ARL6IP6: variants seen among roughly 807,000 people sequenced by gnomAD.
ARL6IP6 encodes the protein ADP-ribosylation factor-like protein 6-interacting protein 6.
In ARL6IP6, 22 loss-of-function variants were observed where a neutral mutation model predicts 21.5. The observed-to-expected ratio is 1.02, with a 90% CI of 0.73 to 1.46. The LOEUF (loss-of-function observed/expected upper bound fraction) is 1.46, where lower values mean the gene tolerates loss of function less well. Among genes scored for constraint, ARL6IP6 ranks in the 40% most tolerant of loss-of-function variants. The pLI is 0.00. For missense variants in ARL6IP6, 388 were observed against 299.8 expected, an observed-to-expected ratio of 1.29 and a Z score of -2.17; for synonymous variants, 164 against 125.3, an observed-to-expected ratio of 1.31 and a Z score of -2.06.
At chr2:152,723,295 C>T (rs1482720853) in intron 2 of ARL6IP6, among the ~76,000 whole-genome samples, 2 of 152,150 alleles carry the variant, frequency 1.3e-5, no homozygotes, top group African/African-American at 4.8e-5. Flanking sequence ...GGAAAAGTAC[C>T]ATGCAGCCTT....
At chr2:152,730,923 C>T (rs1210432529) in intron 2 of ARL6IP6, among the ~76,000 whole-genome samples, 5 of 152,152 alleles carry the variant, frequency 3.3e-5, no homozygotes, top group African/African-American at 1.2e-4. Context: ...ACTCCCTTTC[C>T]CCATTTACAC....
intron 3 of ARL6IP6, among the ~76,000 whole-genome samples, chr2:152,738,757 C>T (rs1259029256): frequency 6.6e-5 from 10 of 152,150 alleles, no homozygotes; most frequent in Non-Finnish European, 1.5e-4. Flanking sequence ...CTGGGAAGAC[C>T]TCTGACATGC....
At chr2:152,742,726 T>A (rs1267354723) in intron 3 of ARL6IP6, among the ~76,000 whole-genome samples, 1 of 152,126 alleles carries the variant, frequency 6.6e-6, no homozygotes, top group Non-Finnish European at 1.5e-5. Context: ...CCTTTTAAGC[T>A]AATATTCTAG....
At chr2:152,757,951 C>T (rs1244611416) in intron 3 of ARL6IP6, among the ~76,000 whole-genome samples, 2 of 152,132 alleles carry the variant, frequency 1.3e-5, no homozygotes, top group Non-Finnish European at 2.9e-5. Context: ...AAAGGTTTTT[C>T]TATTTTTGTG....
At chr2:152,745,859 A>G (rs1388317067) in intron 3 of ARL6IP6, among the ~76,000 whole-genome samples, 1 of 152,152 alleles carries the variant, frequency 6.6e-6, no homozygotes, top group African/African-American at 2.4e-5. Flanking sequence ...GTTAAAGTAC[A>G]TGCATATTGT....
rs568455094 is a variant in ARL6IP6 at position 152,720,715 on chromosome 2, T to C, written c.454+129T>C. On this transcript the variant is annotated intron_variant, in intron 2 of 3. Coordinates refer to ENST00000326446, the MANE Select transcript of ARL6IP6 (RefSeq NM_152522.7). ...GCAGTCATTCAGTCTTGTTTTTAAT[T>C]TGCATATGTTGGTGATAAATGTTAT... 3 of 803,074 alleles carry C rather than the reference T, an allele frequency of 3.7e-6. No homozygotes were observed. In the East Asian group the frequency reaches 7.6e-5, roughly 20 times the overall value. 49.7% of individuals were successfully genotyped at this position (803,074 alleles called of 1,614,324 possible). A position where few individuals can be genotyped will look rare whatever the true frequency, so the allele number is the denominator to read the frequency against.
chr2:152,743,101 A>AATCTGTTCGTAACATC (rs6146967), intron 3 of ARL6IP6, among the ~76,000 whole-genome samples: 2,011 of 152,286 alleles, frequency 0.013, 22 homozygotes, highest in Middle Eastern at 0.034. Context: ...GCTAAATCAA[A>AATCTGTTCGTAACATC]AGACTTTCTC....
At chr2:152,754,472 A>C (rs146660210) in intron 3 of ARL6IP6, among the ~76,000 whole-genome samples, 1 of 152,238 alleles carries the variant, frequency 6.6e-6, no homozygotes, top group African/African-American at 2.4e-5. Context: ...TCATCAGTTG[A>C]TGGACATTTG....
chr2:152,735,993 T>C (rs181427276), intron 3 of ARL6IP6, among the ~76,000 whole-genome samples: 12 of 152,260 alleles, frequency 7.9e-5, no homozygotes, highest in Admixed American at 2.6e-4. Context: ...TTTTTTTGTC[T>C]CATATCTTTT....
intron 1 of ARL6IP6, 38 bp downstream of exon 1, chr2:152,719,062 A>G: frequency 6.8e-7 from 1 of 1,476,118 alleles, no homozygotes; most frequent in East Asian, 2.5e-5. Flanking sequence ...GTCCAGAGTA[A>G]AGTTGAGCCA....
intron 3 of ARL6IP6, among the ~76,000 whole-genome samples, chr2:152,746,001 C>CTTTTT (rs67760283): frequency 0.02 from 1,331 of 66,252 alleles, 63 homozygotes; most frequent in Non-Finnish European, 0.027. Flanking sequence ...TGCTTTGTAC[C>CTTTTT]TTTTTTTTTT....
At chr2:152,725,291 T>G (rs1699988710) in intron 2 of ARL6IP6, among the ~76,000 whole-genome samples, 1 of 152,196 alleles carries the variant, frequency 6.6e-6, no homozygotes, top group African/African-American at 2.4e-5. Context: ...ATTTTAGTAT[T>G]ACTCATCAAT....
upstream of ARL6IP6, chr2:152,717,702 TC>T: frequency 7.2e-7 from 1 of 1,379,366 alleles, no homozygotes; most frequent in Non-Finnish European, 9.4e-7. Flanking sequence ...TCTACCAACT[TC>T]CCCAGGGGAA....
intron 1 of ARL6IP6, chr2:152,719,925 A>G: frequency 2.1e-6 from 1 of 471,050 alleles, no homozygotes; most frequent in South Asian, 1.6e-5. Context: ...ATGGCATGGC[A>G]TCTAAAACCT....
chr2:152,732,267 C>G (rs1281048607), intron 2 of ARL6IP6, among the ~76,000 whole-genome samples: 1 of 152,032 alleles, frequency 6.6e-6, no homozygotes, highest in Non-Finnish European at 1.5e-5. Flanking sequence ...AAACTGCTCT[C>G]CATAGAAATT....
At chr2:152,743,918 G>C (rs932833276) in intron 3 of ARL6IP6, among the ~76,000 whole-genome samples, 12 of 152,098 alleles carry the variant, frequency 7.9e-5, no homozygotes, top group African/African-American at 2.9e-4. Flanking sequence ...TATAGAAATA[G>C]CATGTCTTGC....
rs939468491 is a variant in ARL6IP6 at position 152,761,605 on chromosome 2, T to TA, written c.*1766dup. On this transcript the variant is annotated 3_prime_UTR_variant, in exon 4 of 4. Coordinates refer to ENST00000326446, the MANE Select transcript of ARL6IP6 (RefSeq NM_152522.7). The stretch of plus-strand genomic sequence containing the variant: ...CGTTTTGGTCACAACGAACTGTACT[T>TA]ATGATAGTGAATCCCCCCGTAAGAT... Among the ~76,000 whole-genome samples, 25 of 152,222 alleles carry TA rather than the reference T, an allele frequency of 1.6e-4. No homozygotes were observed. The highest frequency in any genetic ancestry group is 1.6e-3 in the Admixed American group (24 of 15,276).
At chr2:152,747,809 G>T (rs1012736960) in intron 3 of ARL6IP6, among the ~76,000 whole-genome samples, 1 of 151,972 alleles carries the variant, frequency 6.6e-6, no homozygotes, top group Non-Finnish European at 1.5e-5. Context: ...GGCTTCAAGT[G>T]ATCCACCCGC....
At chr2:152,730,186 A>AT in intron 2 of ARL6IP6, among the ~76,000 whole-genome samples, 1 of 152,210 alleles carries the variant, frequency 6.6e-6, no homozygotes, top group South Asian at 2.1e-4. Flanking sequence ...AGATTGTGGA[A>AT]TAGTAATTTT....
Sources: allele counts gnomAD v4.1 joint callset (sites outside exome capture counted in the v4.1 genomes callset), GRCh38; gene constraint gnomAD v4.1.1; transcripts MANE v1.5; gene names NCBI Gene and HGNC (gene_info 2026-07-23, HGNC 2026-07-21).